The following IPO11 variants were observed in gnomAD, a reference collection of about 807,000 sequenced individuals.
IPO11 encodes importin 11.
In IPO11, 66 loss-of-function variants were observed where a neutral mutation model predicts 143.2. The ratio of observed to expected loss-of-function variants is 0.46; its 90% CI spans 0.38 to 0.57. The LOEUF (loss-of-function observed/expected upper bound fraction) is 0.57. Ranked by LOEUF, IPO11 falls within the 20% of genes least tolerant of loss-of-function variation. The pLI is 0.00. For synonymous variants in IPO11, 385 were observed against 377.8 expected (o/e 1.02, Z -0.22); for missense variants, 1,026 against 1,141.0 (o/e 0.90, Z 1.45).
chr5:62,613,179 C>G (rs1437263039), intron 29 of IPO11, among the ~76,000 whole-genome samples: 2 of 151,930 alleles, frequency 1.3e-5, no homozygotes, highest in Admixed American at 6.6e-5. Context: ...ATATTTCCCT[C>G]TCTCACACAT....
intron 13 of IPO11, 104 bp from the exon 14 acceptor site, chr5:62,489,198 C>A: frequency 1.7e-6 from 1 of 575,206 alleles, no homozygotes; most frequent in Non-Finnish European, 2.8e-6. Context: ...ATGTGTTATA[C>A]TTAATTGAAT....
At chr5:62,519,264 C>G (rs1057394899) in intron 20 of IPO11, among the ~76,000 whole-genome samples, 7 of 152,134 alleles carry the variant, frequency 4.6e-5, no homozygotes, top group African/African-American at 1.4e-4. Context: ...ATATATTGAT[C>G]AGTTTTAATG....
At chr5:62,479,580 C>T (rs1219366390) in intron 9 of IPO11, among the ~76,000 whole-genome samples, 1 of 152,180 alleles carries the variant, frequency 6.6e-6, no homozygotes, top group African/African-American at 2.4e-5. Context: ...CCTATTTCTC[C>T]ACATCCTCTC....
chr5:62,475,301 G>A (rs948519261), intron 8 of IPO11, among the ~76,000 whole-genome samples: 1 of 152,130 alleles, frequency 6.6e-6, no homozygotes, highest in Non-Finnish European at 1.5e-5. Flanking sequence ...CGAGTGAGTC[G>A]CTTGAGCCCA....
At chr5:62,585,792 A>C (rs759419622) in intron 27 of IPO11, among the ~76,000 whole-genome samples, 3 of 152,138 alleles carry the variant, frequency 2.0e-5, no homozygotes, top group Non-Finnish European at 4.4e-5. Flanking sequence ...TAATAGTAGG[A>C]ATATAGAGGA....
chr5:62,585,501 C>T (rs1364423256), intron 27 of IPO11, among the ~76,000 whole-genome samples: 1 of 152,054 alleles, frequency 6.6e-6, no homozygotes, highest in Non-Finnish European at 1.5e-5. Context: ...AGGTGGAGAA[C>T]AATGTGAGGC....
At chr5:62,513,270 C>T (rs1202619051) in intron 19 of IPO11, among the ~76,000 whole-genome samples, 1 of 135,580 alleles carries the variant, frequency 7.4e-6, no homozygotes, top group Non-Finnish European at 1.6e-5. Flanking sequence ...GGGCTGACCC[C>T]CCCACCTCCC....
intron 1 of IPO11, among the ~76,000 whole-genome samples, chr5:62,435,140 A>ATATATGTATATATATGTATATG (rs1561308912): frequency 7.3e-5 from 4 of 54,538 alleles, no homozygotes; most frequent in East Asian, 5.8e-4. Flanking sequence ...ATATATGTAT[A>ATATATGTATATATATGTATATG]TATGTATATA....
chr5:62,566,737 CA>C (rs753040992), intron 27 of IPO11, among the ~76,000 whole-genome samples: 2,627 of 64,716 alleles, frequency 0.041, 41 homozygotes, highest in African/African-American at 0.11. Context: ...GACTCTGTCT[CA>C]AAAAAAAAAA....
rs969340107 is a variant in IPO11, at chr5:62,546,444, G to T, written c.2251-3923G>T. 5.9e-5 allele frequency among the ~76,000 whole-genome samples: 9 copies of T among 152,280 alleles called. No individual in the cohort carries two copies. In the East Asian group the frequency reaches 1.7e-3, roughly 29 times the overall value. ...AGGGGAACATCACACACTGGGGCCT[G>T]TCGTAGGGTTGGGGGAGTGGGGAGG... On this transcript the variant is annotated intron_variant, in intron 24 of 29. Transcript: ENST00000325324.
At chr5:62,599,591 A>G (rs559436408) in intron 28 of IPO11, among the ~76,000 whole-genome samples, 23 of 152,288 alleles carry the variant, frequency 1.5e-4, no homozygotes, top group African/African-American at 5.5e-4. Context: ...TCATGCTAAC[A>G]CCTGTTGGTT....
chr5:62,600,171 C>G (rs184622313), intron 28 of IPO11, among the ~76,000 whole-genome samples: 1 of 152,258 alleles, frequency 6.6e-6, no homozygotes, highest in Non-Finnish European at 1.5e-5. Flanking sequence ...TGCCAAGTAG[C>G]TGAGATTACA....
intron 26 of IPO11, among the ~76,000 whole-genome samples, chr5:62,558,709 T>C (rs1050706352): frequency 6.6e-6 from 1 of 152,186 alleles, no homozygotes; most frequent in Non-Finnish European, 1.5e-5. Flanking sequence ...ACTATCGGCA[T>C]TTTTTCAATA....
In IPO11 at chr5:62,602,224, T is replaced by C. The variant is rs569005049; in HGVS notation, c.2763+376T>C. 2.0e-5 allele frequency among the ~76,000 whole-genome samples: 3 copies of C among 152,274 alleles called. No homozygotes were observed. In the South Asian group the frequency reaches 6.2e-4, roughly 32 times the overall value. On this transcript the variant is annotated intron_variant, in intron 29 of 29. Transcript: ENST00000325324. Reference sequence around the variant, plus strand: ...TATAGATCTTCACATGAACTTTTGCTGATCTGCATCACAGGCTTTTATAAA... The same window carrying C: ...TATAGATCTTCACATGAACTTTTGCCGATCTGCATCACAGGCTTTTATAAA...
intron 16 of IPO11, among the ~76,000 whole-genome samples, chr5:62,503,163 G>A (rs929339633): frequency 1.3e-5 from 2 of 151,720 alleles, no homozygotes; most frequent in Non-Finnish European, 2.9e-5. Flanking sequence ...TTCATGTCTT[G>A]GTCTCTGTGA....
chr5:62,598,935 T>TA (rs374387756), intron 28 of IPO11, among the ~76,000 whole-genome samples: 12 of 151,902 alleles, frequency 7.9e-5, no homozygotes, highest in East Asian at 3.9e-4. Flanking sequence ...AGGCCAGAGG[T>TA]AAAAAAATAT....
intron 5 of IPO11, among the ~76,000 whole-genome samples, chr5:62,459,389 A>AAAATAAATAAAT (rs70981011): frequency 4.0e-5 from 6 of 151,702 alleles, no homozygotes; most frequent in African/African-American, 1.2e-4. Context: ...CTCTGTCTCA[A>AAAATAAATAAAT]AAATAAATAA....
chr5:62,552,233 G>A (rs527417497), intron 26 of IPO11, among the ~76,000 whole-genome samples: 3 of 152,156 alleles, frequency 2.0e-5, no homozygotes, highest in East Asian at 1.9e-4. Flanking sequence ...TATACTTGAC[G>A]AATATATCTA....
intron 1 of IPO11, among the ~76,000 whole-genome samples, chr5:62,435,152 GTATATATA>G (rs70981006): frequency 1.8e-5 from 1 of 56,750 alleles, no homozygotes; most frequent in Non-Finnish European, 3.3e-5. Flanking sequence ...ATGTATATAT[GTATATATA>G]TGTATATATA....
Sources: gnomAD v4.1 joint callset for allele counts (sites outside exome capture counted in the v4.1 genomes callset) on GRCh38, gnomAD v4.1.1 for gene constraint, MANE v1.5 for transcripts, NCBI Gene and HGNC (gene_info 2026-07-23, HGNC 2026-07-21) for gene names.